C1orf21: variants seen among roughly 807,000 people sequenced by gnomAD.
The protein encoded by C1orf21 is uncharacterized protein C1orf21.
In C1orf21, 3 loss-of-function variants were observed where a neutral mutation model predicts 18.7. The ratio of observed to expected loss-of-function variants is 0.16; its 90% CI spans 0.07 to 0.42. The LOEUF (loss-of-function observed/expected upper bound fraction) is 0.42. C1orf21 is among the 10% of genes least tolerant of loss of function. The probability of loss-of-function intolerance (pLI) is 0.99; values close to 1 mark genes in which losing one functional copy is unlikely to be tolerated. For synonymous variants in C1orf21, 41 were observed against 46.4 expected (o/e 0.88, Z 0.47); for missense variants, 104 against 143.6 (o/e 0.72, Z 1.41).
rs1353575928 is a variant in C1orf21 at position 184,625,757 on chromosome 1, C to T, written c.*6201C>T. ...TTGAGTTCGACTCACATGGGAGAAT[C>T]GAGGTCTGCTACTCGTCTTGCTTTG... On this transcript the variant is annotated 3_prime_UTR_variant, in exon 6 of 6. Coordinates refer to ENST00000235307, the MANE Select transcript of C1orf21 (RefSeq NM_030806.4). The T allele has an allele frequency of 2.6e-5, 4 of 152,458 alleles. No homozygotes were observed. The highest frequency in any genetic ancestry group is 1.9e-4 in the East Asian group (1 of 5,180). The allele number at this position is 152,458 out of a possible 1,614,324, so 9.4% of individuals were successfully genotyped here.
At chr1:184,397,997 T>A (rs1233423037) in intron 1 of C1orf21, among the ~76,000 whole-genome samples, 1 of 152,166 alleles carries the variant, frequency 6.6e-6, no homozygotes, top group African/African-American at 2.4e-5. Flanking sequence ...TTGCAGAGTA[T>A]GTTTGTTACT....
At chr1:184,606,139 CT>C (rs1388424475) in intron 5 of C1orf21, among the ~76,000 whole-genome samples, 2 of 152,220 alleles carry the variant, frequency 1.3e-5, no homozygotes, top group Non-Finnish European at 2.9e-5. Flanking sequence ...CCTGTGCTAA[CT>C]TTCGAGCTGT....
In C1orf21 at chr1:184,598,431, C is replaced by A; in HGVS notation, c.297C>A (p.Phe99Leu). 1 of 1,613,718 alleles carries A rather than the reference C, an allele frequency of 6.2e-7. No homozygotes were observed. The highest frequency in any genetic ancestry group is 8.5e-7 in the Non-Finnish European group (1 of 1,179,900). The change falls in exon 5 of 6, where the codon TTC becomes TTA. Residue 99 changes from phenylalanine to leucine, a missense_variant. Physicochemically the swap from Phe to Leu is conservative, Grantham distance 22. Coordinates refer to ENST00000235307, the MANE Select transcript of C1orf21 (RefSeq NM_030806.4). ...ACATCTCTGAAAGCCAACAAGAATT[C>A]TTCAGAATGCTGGATGAAAAAATTG... ...NMHISESQQE[F>L]FRMLDEKIEK...
intron 3 of C1orf21, among the ~76,000 whole-genome samples, chr1:184,518,660 T>G (rs997356254): frequency 2.0e-5 from 3 of 152,152 alleles, no homozygotes; most frequent in African/African-American, 7.2e-5. Flanking sequence ...CTGACCATAT[T>G]CAGGTGAACA....
rs138709101 is a variant in C1orf21 at position 184,477,354 on chromosome 1, G to A, written c.-124-32G>A. 8.2e-5 allele frequency: 50 copies of A among 609,150 alleles called. No individual in the cohort carries two copies. In the East Asian group the frequency reaches 1.3e-3, roughly 16 times the overall value. 37.7% of individuals were successfully genotyped at this position (609,150 alleles called of 1,614,324 possible). A position where few individuals can be genotyped will look rare whatever the true frequency, so the allele number is the denominator to read the frequency against. On this transcript the variant is annotated intron_variant, in intron 1 of 5. Transcript: ENST00000235307. ...AGGCTTGTGTTTTGCTGCAGTCACT[G>A]CCCATTCTAATCTAGCTTTCTTTTC...
At chr1:184,616,484 T>G (rs1335589680) in intron 5 of C1orf21, among the ~76,000 whole-genome samples, 3 of 152,270 alleles carry the variant, frequency 2.0e-5, no homozygotes, top group African/African-American at 7.2e-5. Flanking sequence ...TAGCCAATGC[T>G]TGGGAAATGA....
intron 3 of C1orf21, among the ~76,000 whole-genome samples, chr1:184,539,663 A>G (rs1658616328): frequency 6.6e-6 from 1 of 152,222 alleles, no homozygotes; most frequent in African/African-American, 2.4e-5. Context: ...TAAAGTGAAA[A>G]AATCCTGCAA....
At chr1:184,566,891 G>A in intron 3 of C1orf21, 1 of 499,448 alleles carries the variant, frequency 2.0e-6, no homozygotes, top group South Asian at 1.6e-5. Context: ...CAAATCTGAG[G>A]GGCTGTATTG....
intron 1 of C1orf21, among the ~76,000 whole-genome samples, chr1:184,424,557 C>G (rs77113844): frequency 0.029 from 4,354 of 152,262 alleles, 114 homozygotes; most frequent in East Asian, 0.088. Context: ...CAGATGTGTT[C>G]TAACCTTGGT....
At chr1:184,521,892 T>C (rs1658310895) in intron 3 of C1orf21, among the ~76,000 whole-genome samples, 1 of 152,130 alleles carries the variant, frequency 6.6e-6, no homozygotes, top group Non-Finnish European at 1.5e-5. Context: ...CTAAGTAACT[T>C]TGGAAATCAA....
intron 1 of C1orf21, among the ~76,000 whole-genome samples, chr1:184,423,115 G>A (rs921474261): frequency 3.3e-5 from 5 of 152,138 alleles, no homozygotes; most frequent in African/African-American, 9.7e-5. Flanking sequence ...AATGTGTATC[G>A]GGATTTAACA....
chr1:184,543,630 A>T (rs1658689624), intron 3 of C1orf21, among the ~76,000 whole-genome samples: 1 of 152,204 alleles, frequency 6.6e-6, no homozygotes, highest in Non-Finnish European at 1.5e-5. Context: ...TTATTTTTAT[A>T]AAAATGTTAT....
Position 184,433,821 on chromosome 1 carries a change from T to A in C1orf21, c.-124-43565T>A, listed in dbSNP as rs114168259. The stretch of plus-strand genomic sequence containing the variant: ...TTTAGTTTCCCTTGGACCCCAATCC[T>A]CACCTCTCTTTCAATCCTAGGAACA... On this transcript the variant is annotated intron_variant, in intron 1 of 5. Transcript: ENST00000235307. Among the ~76,000 whole-genome samples the A allele has an allele frequency of 3.2e-3, 492 of 152,288 alleles. 2 individuals carry two copies. Among genetic ancestry groups the A allele is most frequent in the African/African-American group, 0.011 (457 of 41,580 alleles).
intron 5 of C1orf21, among the ~76,000 whole-genome samples, chr1:184,605,126 G>T (rs1275686936): frequency 6.6e-6 from 1 of 152,194 alleles, no homozygotes. Context: ...AGGAATGTTG[G>T]TGTGTCTCAT....
chr1:184,456,445 T>G (rs1000689041), intron 1 of C1orf21, among the ~76,000 whole-genome samples: 2 of 152,202 alleles, frequency 1.3e-5, no homozygotes, highest in Non-Finnish European at 1.5e-5. Context: ...ATTAACCAAG[T>G]TAAGTAATTT....
intron 1 of C1orf21, among the ~76,000 whole-genome samples, chr1:184,471,892 G>A (rs960758842): frequency 2.0e-5 from 3 of 152,118 alleles, no homozygotes; most frequent in Non-Finnish European, 4.4e-5. Context: ...CGATTGTTGG[G>A]TAATGAAAGG....
intron 3 of C1orf21, among the ~76,000 whole-genome samples, chr1:184,535,249 G>T (rs1034368099): frequency 4.6e-5 from 7 of 152,082 alleles, no homozygotes; most frequent in Non-Finnish European, 1.0e-4. Flanking sequence ...GGAAAGAGGG[G>T]TGCGTAAAAT....
At chr1:184,602,078 T>A (rs566624298) in intron 5 of C1orf21, among the ~76,000 whole-genome samples, 21 of 152,270 alleles carry the variant, frequency 1.4e-4, no homozygotes, top group Non-Finnish European at 2.4e-4. Context: ...TAAAAAAATC[T>A]AATTATTTTT....
chr1:184,498,894 G>C (rs938575728), intron 2 of C1orf21, among the ~76,000 whole-genome samples: 1 of 152,230 alleles, frequency 6.6e-6, no homozygotes, highest in Non-Finnish European at 1.5e-5. Flanking sequence ...CTGGGTTCAA[G>C]GCCTGGCCCA....
Sources: allele counts gnomAD v4.1 joint callset (sites outside exome capture counted in the v4.1 genomes callset), GRCh38; gene constraint gnomAD v4.1.1; transcripts MANE v1.5; gene names NCBI Gene and HGNC (gene_info 2026-07-23, HGNC 2026-07-21).